DENND1A: variants seen among roughly 807,000 people sequenced by gnomAD.
DENND1A encodes DENN domain containing 1A.
A neutral mutation model predicts 113.7 loss-of-function variants in DENND1A; 51 were observed. The ratio of observed to expected loss-of-function variants is 0.45; its 90% CI spans 0.36 to 0.57. The LOEUF (loss-of-function observed/expected upper bound fraction) is 0.57. DENND1A is among the 20% of genes least tolerant of loss of function. The pLI is 0.00. For missense variants in DENND1A, 1,258 were observed against 1,395.9 expected (o/e 0.90, Z 1.57); for synonymous variants, 565 against 570.8 (o/e 0.99, Z 0.14).
chr9:123,854,694 C>CAA lies in DENND1A; in HGVS notation c.88+24255_88+24256dup, dbSNP rs5900588. ...TGGGTGACAGAGTGATACTCTGTCT[C>CAA]AAAAAAAAAATAAAAATAAAAATAA... On this transcript the variant is annotated intron_variant, in intron 2 of 23. Transcript: ENST00000394215. 5.6e-4 allele frequency among the ~76,000 whole-genome samples: 80 copies of CAA among 143,766 alleles called. 3 individuals are homozygous for CAA. The highest frequency in any genetic ancestry group is 4.7e-3 in the South Asian group (21 of 4,488). The allele number at this position is 143,766 out of a possible 152,430, so 94.3% of individuals were successfully genotyped here.
At chr9:123,547,777 G>A (rs1318911520) in intron 13 of DENND1A, among the ~76,000 whole-genome samples, 1 of 152,190 alleles carries the variant, frequency 6.6e-6, no homozygotes, top group Non-Finnish European at 1.5e-5. Context: ...ATTTCAGGGT[G>A]TTTTGCATGG....
chr9:123,635,811 G>C (rs2061673947), intron 9 of DENND1A, among the ~76,000 whole-genome samples: 1 of 152,120 alleles, frequency 6.6e-6, no homozygotes, highest in Non-Finnish European at 1.5e-5. Context: ...TGAAAGTGTT[G>C]GAAAGTCTTG....
At chr9:123,425,277 C>T (rs2045624860) in intron 19 of DENND1A, among the ~76,000 whole-genome samples, 1 of 152,232 alleles carries the variant, frequency 6.6e-6, no homozygotes, top group South Asian at 2.1e-4. Flanking sequence ...TCAATATCTC[C>T]CCGGCAGGGA....
chr9:123,918,398 G>A (rs1223069515), intron 1 of DENND1A, among the ~76,000 whole-genome samples: 3 of 151,414 alleles, frequency 2.0e-5, no homozygotes, highest in South Asian at 2.1e-4. Context: ...TGAAGCAGGA[G>A]AATGGCGTGA....
intron 5 of DENND1A, among the ~76,000 whole-genome samples, chr9:123,706,892 G>C (rs1460314055): frequency 4.0e-5 from 6 of 151,572 alleles, no homozygotes; most frequent in Admixed American, 2.6e-4. Flanking sequence ...GGAAGACTAA[G>C]AATAGAGTTG....
intron 22 of DENND1A, 142 bp downstream of exon 22, chr9:123,387,588 G>T: frequency 1.1e-6 from 1 of 946,438 alleles, no homozygotes; most frequent in Non-Finnish European, 1.4e-6. Flanking sequence ...CCTGCATGTT[G>T]GCACTGGGGC....
At chr9:123,855,583 C>T (rs1473203297) in intron 2 of DENND1A, among the ~76,000 whole-genome samples, 1 of 152,034 alleles carries the variant, frequency 6.6e-6, no homozygotes, top group Non-Finnish European at 1.5e-5. Context: ...TGATGAGGAG[C>T]CTTCTGTGCC....
chr9:123,436,972 G>C lies in DENND1A; in HGVS notation c.1488+3388C>G, dbSNP rs565576347. Among the ~76,000 whole-genome samples, 11 of 152,246 alleles carry C rather than the reference G, an allele frequency of 7.2e-5. No homozygotes were observed. The East Asian group carries it at 2.1e-3, about 29-fold the overall frequency. On this transcript the variant is annotated intron_variant, in intron 19 of 23. Transcript: ENST00000394215. ...CATGTTGGTCAGGCTACTGACAAAA[G>C]CATCTTTTAATTAAAGTGTCCAACT...
chr9:123,774,052 C>T (rs1262894067), intron 3 of DENND1A, among the ~76,000 whole-genome samples: 3 of 152,100 alleles, frequency 2.0e-5, no homozygotes, highest in Non-Finnish European at 4.4e-5. Context: ...AGAACATTTC[C>T]TGGGTTTCTT....
intron 5 of DENND1A, among the ~76,000 whole-genome samples, chr9:123,691,689 G>A (rs1327000243): frequency 1.3e-5 from 2 of 151,806 alleles, no homozygotes; most frequent in Non-Finnish European, 1.5e-5. Context: ...AATCAAAGAA[G>A]GGTTTCAAGC....
At chr9:123,785,369 C>T (rs1228969160) in intron 3 of DENND1A, among the ~76,000 whole-genome samples, 4 of 151,796 alleles carry the variant, frequency 2.6e-5, no homozygotes, top group Admixed American at 1.3e-4. Flanking sequence ...AAACACAAAA[C>T]CAAACAAAAA....
At chr9:123,636,101 T>C (rs141575270) in intron 9 of DENND1A, among the ~76,000 whole-genome samples, 25 of 152,296 alleles carry the variant, frequency 1.6e-4, no homozygotes, top group African/African-American at 6.0e-4. Context: ...GGTCTTGCTT[T>C]CTCAGCTCTG....
chr9:123,391,755 G>C (rs889960422), intron 21 of DENND1A, among the ~76,000 whole-genome samples: 1 of 54,238 alleles, frequency 1.8e-5, no homozygotes, highest in Non-Finnish European at 3.6e-5. Flanking sequence ...GCTTAAGGCA[G>C]AATATGAAAA....
At chr9:123,578,544 C>A (rs2058732099) in intron 12 of DENND1A, among the ~76,000 whole-genome samples, 1 of 152,162 alleles carries the variant, frequency 6.6e-6, no homozygotes, top group Admixed American at 6.5e-5. Context: ...CATGTCTGGC[C>A]CCAAGCCTCT....
chr9:123,806,242 C>A (rs1459624988), intron 2 of DENND1A, among the ~76,000 whole-genome samples: 1 of 151,804 alleles, frequency 6.6e-6, no homozygotes, highest in Non-Finnish European at 1.5e-5. Context: ...CCACCATGCC[C>A]GGCCAACATA....
intron 11 of DENND1A, among the ~76,000 whole-genome samples, chr9:123,604,963 T>G (rs1257253578): frequency 6.6e-6 from 1 of 152,176 alleles, no homozygotes; most frequent in African/African-American, 2.4e-5. Context: ...TGATAGGCAT[T>G]ATCTCACTGG....
intron 2 of DENND1A, among the ~76,000 whole-genome samples, chr9:123,812,707 A>C (rs1332797820): frequency 2.0e-5 from 3 of 152,170 alleles, no homozygotes; most frequent in African/African-American, 4.8e-5. Flanking sequence ...ATAGAATCAT[A>C]ATCTTTTTAA....
chr9:123,625,611 G>A (rs1463893465), intron 10 of DENND1A, among the ~76,000 whole-genome samples: 1 of 152,156 alleles, frequency 6.6e-6, no homozygotes, highest in Non-Finnish European at 1.5e-5. Flanking sequence ...AGGCATGGTG[G>A]TATGCACCTG....
chr9:123,648,125 G>A (rs1466248919), intron 9 of DENND1A, among the ~76,000 whole-genome samples: 1 of 152,142 alleles, frequency 6.6e-6, no homozygotes, highest in Non-Finnish European at 1.5e-5. Flanking sequence ...TGTTGTCCAC[G>A]CTGGAGTGAA....
Sources: gnomAD v4.1 joint callset for allele counts (sites outside exome capture counted in the v4.1 genomes callset) on GRCh38, gnomAD v4.1.1 for gene constraint, MANE v1.5 for transcripts, NCBI Gene and HGNC (gene_info 2026-07-23, HGNC 2026-07-21) for gene names.